FGF13: variants seen among roughly 807,000 people sequenced by gnomAD.
FGF13 encodes fibroblast growth factor 13.
Under a neutral mutation model 19.5 loss-of-function variants are expected in FGF13, and 2 were observed. That is an observed-to-expected ratio of 0.10 (90% CI 0.04 to 0.32). FGF13 has a LOEUF of 0.32. FGF13 is among the 10% of genes least tolerant of loss of function. The pLI, the probability that FGF13 is intolerant of heterozygous loss-of-function variation, is 1.00. For synonymous variants in FGF13, 72 were observed against 76.9 expected (o/e 0.94, Z 0.33); for missense variants, 113 against 192.7 (o/e 0.59, Z 2.45).
At chrX:138,814,648 G>A (rs757688400) in intron 3 of FGF13, among the ~76,000 whole-genome samples, 3 of 111,141 alleles carry the variant, frequency 2.7e-5, no homozygotes, top group Non-Finnish European at 5.7e-5. Context: ...AAATCATAAT[G>A]AGATACTACT....
At chrX:138,919,977 T>C (rs970268039) in intron 1 of FGF13, among the ~76,000 whole-genome samples, 4 of 111,237 alleles carry the variant, frequency 3.6e-5, no homozygotes, top group Non-Finnish European at 7.6e-5. Context: ...AGGACTTTTC[T>C]GTGTATTTGT....
chrX:138,768,584 C>A (rs1433050753), intron 3 of FGF13, among the ~76,000 whole-genome samples: 1 of 107,948 alleles, frequency 9.3e-6, no homozygotes, highest in African/African-American at 3.4e-5. Flanking sequence ...TCATTCCTAC[C>A]TATTAATGCA....
At chrX:139,133,748 G>A (rs73566199) in intron 1 of FGF13, among the ~76,000 whole-genome samples, 1,821 of 110,849 alleles carry the variant, frequency 0.016, 29 homozygotes, top group African/African-American at 0.055. Context: ...TCCAACTTCC[G>A]GCCTCTGAGT....
chrX:138,965,856 G>T (rs747566764), intron 1 of FGF13, among the ~76,000 whole-genome samples: 1 of 111,911 alleles, frequency 8.9e-6, no homozygotes, highest in East Asian at 2.8e-4. Context: ...AAAGGGAGTG[G>T]TAAAGAAAAT....
intron 1 of FGF13, among the ~76,000 whole-genome samples, chrX:138,969,189 G>A (rs1336393815): frequency 8.9e-6 from 1 of 111,911 alleles, no homozygotes; most frequent in East Asian, 2.8e-4. Flanking sequence ...CTGTGTGTCA[G>A]AAGACTTATT....
chrX:139,023,204 A>C (rs897990319), intron 1 of FGF13, among the ~76,000 whole-genome samples: 3 of 110,579 alleles, frequency 2.7e-5, no homozygotes, highest in Non-Finnish European at 3.8e-5. Flanking sequence ...CAACTACTCA[A>C]CTCTTCCATA....
At chrX:138,868,809 C>T (rs1266808183) in intron 1 of FGF13, among the ~76,000 whole-genome samples, 1 of 110,613 alleles carries the variant, frequency 9.0e-6, no homozygotes, top group Non-Finnish European at 1.9e-5. Context: ...GAAACCTAAT[C>T]TCTGATCCAA....
chrX:138,899,587 T>C (rs185339132), intron 1 of FGF13, among the ~76,000 whole-genome samples: 31 of 111,004 alleles, frequency 2.8e-4, no homozygotes, highest in Non-Finnish European at 4.9e-4. Flanking sequence ...ACGATACACA[T>C]ACCCAGAAAA....
At chrX:138,848,132 C>G (rs1406276870) in intron 3 of FGF13, among the ~76,000 whole-genome samples, 1 of 111,992 alleles carries the variant, frequency 8.9e-6, no homozygotes, top group Non-Finnish European at 1.9e-5. Context: ...GATTACCACA[C>G]GCTTATGGAG....
intron 1 of FGF13, among the ~76,000 whole-genome samples, chrX:139,088,695 G>C (rs995025519): frequency 1.8e-5 from 2 of 111,780 alleles, no homozygotes; most frequent in Non-Finnish European, 3.8e-5. Context: ...GTTGACTGCT[G>C]TGATTTTCCA....
intron 1 of FGF13, among the ~76,000 whole-genome samples, chrX:138,915,857 T>C (rs746501976): frequency 6.5e-4 from 73 of 112,506 alleles, no homozygotes; most frequent in African/African-American, 2.3e-3. Context: ...CTTATAGTAT[T>C]TATTGAACAA....
chrX:138,734,338 A>G (rs1451192295), intron 1 of FGF13, among the ~76,000 whole-genome samples: 2 of 111,646 alleles, frequency 1.8e-5, no homozygotes, highest in Non-Finnish European at 3.8e-5. Context: ...AGGAATTCTC[A>G]GAACCCAATC....
At chrX:138,655,420 T>C in intron 3 of FGF13, among the ~76,000 whole-genome samples, 1 of 112,239 alleles carries the variant, frequency 8.9e-6, no homozygotes, top group Non-Finnish European at 1.9e-5. Context: ...TAGGAAGCTA[T>C]CTTGACGATG....
chrX:139,096,868 A>G (rs867942250), intron 1 of FGF13, among the ~76,000 whole-genome samples: 1 of 111,901 alleles, frequency 8.9e-6, no homozygotes, highest in Non-Finnish European at 1.9e-5. Flanking sequence ...TAAACTTCCC[A>G]TTAAGCAAAC....
chrX:138,822,192 G>T (rs2091003954), intron 3 of FGF13, among the ~76,000 whole-genome samples: 1 of 112,245 alleles, frequency 8.9e-6, no homozygotes, highest in South Asian at 3.7e-4. Context: ...AGGACAGGTT[G>T]TAGCACTATA....
At chrX:138,824,589 A>G (rs886219580) in intron 3 of FGF13, among the ~76,000 whole-genome samples, 4 of 111,802 alleles carry the variant, frequency 3.6e-5, no homozygotes, top group African/African-American at 1.3e-4. Context: ...GAACATATAT[A>G]ATGACAGTAA....
At chrX:139,152,326 C>CA (rs760903352) in intron 1 of FGF13, among the ~76,000 whole-genome samples, 2,359 of 80,924 alleles carry the variant, frequency 0.029, 21 homozygotes, top group Non-Finnish European at 0.039. Flanking sequence ...AAAAAAAAAA[C>CA]AAAAAAAAAA....
intron 3 of FGF13, among the ~76,000 whole-genome samples, chrX:138,688,293 T>C (rs1010927297): frequency 9.1e-6 from 1 of 109,756 alleles, no homozygotes; most frequent in African/African-American, 3.3e-5. Context: ...AGGTAGAGAG[T>C]AGAATGATGG....
At chrX:139,101,598 A>T (rs2083514512) in intron 1 of FGF13, among the ~76,000 whole-genome samples, 1 of 112,467 alleles carries the variant, frequency 8.9e-6, no homozygotes, top group Non-Finnish European at 1.9e-5. Context: ...GGAAGTATAA[A>T]ATCTTTATAA....
Sources: allele counts gnomAD v4.1 joint callset (sites outside exome capture counted in the v4.1 genomes callset), GRCh38; gene constraint gnomAD v4.1.1; transcripts MANE v1.5; gene names NCBI Gene and HGNC (gene_info 2026-07-23, HGNC 2026-07-21).